EPS15L1: variants seen among roughly 807,000 people sequenced by gnomAD.
EPS15L1 encodes the protein epidermal growth factor receptor pathway substrate 15 like 1, also known as epidermal growth factor receptor substrate 15-like 1.
A neutral mutation model predicts 117.1 loss-of-function variants in EPS15L1; 43 were observed. The ratio of observed to expected loss-of-function variants is 0.37; its 90% CI spans 0.29 to 0.47. The LOEUF (loss-of-function observed/expected upper bound fraction) is 0.47, where lower values mean the gene tolerates loss of function less well. Among genes scored for constraint, EPS15L1 ranks in the 20% least tolerant of loss-of-function variants. EPS15L1 has a pLI of 0.99. For synonymous variants in EPS15L1, 459 were observed against 470.5 expected (o/e 0.98, Z 0.32); for missense variants, 981 against 1,164.0 (o/e 0.84, Z 2.29).
intron 1 of EPS15L1, among the ~76,000 whole-genome samples, chr19:16,452,899 C>A (rs951860131): frequency 2.6e-5 from 4 of 152,182 alleles, no homozygotes; most frequent in South Asian, 2.1e-4. Context: ...CCGGTTCATG[C>A]CATTCTCCTG....
At chr19:16,367,516 A>AAC (rs1555738017) in intron 22 of EPS15L1, among the ~76,000 whole-genome samples, 1 of 149,318 alleles carries the variant, frequency 6.7e-6, no homozygotes, top group East Asian at 1.9e-4. Context: ...AAAAAAAAAA[A>AAC]AAAAAAAAAA....
At chr19:16,467,483 G>A (rs1482755959) in intron 1 of EPS15L1, among the ~76,000 whole-genome samples, 1 of 151,998 alleles carries the variant, frequency 6.6e-6, no homozygotes, top group Non-Finnish European at 1.5e-5. Context: ...AATGGAGGTG[G>A]AGGGGTCTTG....
At chr19:16,361,500 A>G in intron 23 of EPS15L1, 1 of 948,884 alleles carries the variant, frequency 1.1e-6, no homozygotes, top group Non-Finnish European at 1.3e-6. Flanking sequence ...AAATAATACA[A>G]TGAATCTACC....
In EPS15L1 at chr19:16,417,579, A is replaced by T; in HGVS notation, c.1166T>A (p.Ile389Asn). 1 of 1,614,004 alleles carries T rather than the reference A, an allele frequency of 6.2e-7. No homozygotes were observed. The highest frequency in any genetic ancestry group is 8.5e-7 in the Non-Finnish European group (1 of 1,179,972). Residue 389 changes from isoleucine to asparagine, a missense_variant, in exon 12 of 24, where the codon ATC (isoleucine) becomes AAC (asparagine). Physicochemically the swap from Ile to Asn is moderately radical, Grantham distance 149. Transcript: ENST00000455140. ...TTGTAACTGGGCAATCTCTTGACTG[A>T]TGTCATCAAGCTCCTTCACGCCAGT... ...EFTGVKELDD[I>N]SQEIAQLQRE...
rs1358862123 is a variant in EPS15L1, at chr19:16,424,859, C to T, written c.792+224G>A. Among the ~76,000 whole-genome samples the T allele has an allele frequency of 2.0e-5, 3 of 152,018 alleles. No individual in the cohort carries two copies. In the East Asian group the frequency reaches 5.8e-4, roughly 30 times the overall value. On this transcript the variant is annotated intron_variant, in intron 9 of 23. Coordinates refer to ENST00000455140, the MANE Select transcript of EPS15L1 (RefSeq NM_001258374.3). Reference sequence around the variant, plus strand: ...TGTATTTTTAGTAGAGACGGGGTTTCACCATGTTGGCCAGGATGGTCTTGA... The same window carrying T: ...TGTATTTTTAGTAGAGACGGGGTTTTACCATGTTGGCCAGGATGGTCTTGA...
At chr19:16,430,502 C>T (rs188539822) in intron 7 of EPS15L1, among the ~76,000 whole-genome samples, 1 of 152,226 alleles carries the variant, frequency 6.6e-6, no homozygotes, top group Non-Finnish European at 1.5e-5. Flanking sequence ...CAGTCCTTAA[C>T]AGGAGGGCTG....
chr19:16,397,274 G>A (rs2092550252), intron 16 of EPS15L1, among the ~76,000 whole-genome samples: 1 of 152,094 alleles, frequency 6.6e-6, no homozygotes, highest in African/African-American at 2.4e-5. Flanking sequence ...ATTTTTAGTA[G>A]AGATGGGGTT....
At chr19:16,367,760 A>G (rs999403638) in intron 22 of EPS15L1, among the ~76,000 whole-genome samples, 2 of 150,890 alleles carry the variant, frequency 1.3e-5, no homozygotes, top group African/African-American at 2.4e-5. Context: ...AAGCAAAAAA[A>G]AAAAAAAAAA....
chr19:16,394,655 A>G (rs189128805), intron 17 of EPS15L1, among the ~76,000 whole-genome samples: 39 of 152,314 alleles, frequency 2.6e-4, no homozygotes, highest in South Asian at 2.1e-4. Context: ...ACAGACTCCT[A>G]AAATTATCCA....
intron 16 of EPS15L1, among the ~76,000 whole-genome samples, chr19:16,397,494 C>A (rs191206985): frequency 4.6e-5 from 7 of 151,950 alleles, no homozygotes; most frequent in African/African-American, 4.8e-5. Context: ...AAGAGCCACT[C>A]AACAACAGCA....
At chr19:16,373,362 G>C (rs766368537) in intron 22 of EPS15L1, among the ~76,000 whole-genome samples, 2 of 152,104 alleles carry the variant, frequency 1.3e-5, no homozygotes, top group Non-Finnish European at 2.9e-5. Context: ...TGGCCGTGTG[G>C]TCTCCCTGAG....
intron 7 of EPS15L1, among the ~76,000 whole-genome samples, chr19:16,432,612 A>G (rs1357103076): frequency 7.3e-6 from 1 of 137,720 alleles, no homozygotes; most frequent in African/African-American, 2.7e-5. Context: ...ATACAAATAC[A>G]AATACAAAAA....
At position 16,403,808 on chromosome 19, in the gene EPS15L1, C is replaced by G; in HGVS notation, c.1551G>C (p.Gln517His). 6.2e-7 allele frequency: 1 copy of G among 1,614,114 alleles called. No homozygotes were observed. The highest frequency in any genetic ancestry group is 2.2e-5 in the East Asian group (1 of 44,882). Reference sequence around the variant, plus strand: ...GCTGGACTCGCCCAGCCTGAATGCTCTGCTCCAGCTGGGTTTCCTCCTGCT... The same window carrying G: ...GCTGGACTCGCCCAGCCTGAATGCTGTGCTCCAGCTGGGTTTCCTCCTGCT... ...RLQQEETQLE[Q>H]SIQAGRVQLE... is the part of the protein sequence containing the mutation. The change falls in exon 15 of 24, where the codon CAG (glutamine) becomes CAC (histidine). Residue 517 changes from glutamine to histidine, a missense_variant. Physicochemically the swap from Gln to His is conservative, Grantham distance 24 (BLOSUM62 0). Coordinates refer to ENST00000455140, the MANE Select transcript of EPS15L1 (RefSeq NM_001258374.3).
intron 16 of EPS15L1, chr19:16,400,999 G>T: frequency 1.0e-6 from 1 of 985,466 alleles, no homozygotes; most frequent in Non-Finnish European, 1.2e-6. Flanking sequence ...GAGCCGGGTT[G>T]TGAGACGGAA....
At chr19:16,417,863 G>T in intron 11 of EPS15L1, 85 bp downstream of exon 11, 1 of 1,521,384 alleles carries the variant, frequency 6.6e-7, no homozygotes, top group Non-Finnish European at 8.9e-7. Context: ...CGCCACCGTG[G>T]GCTCATGTGT....
intron 23 of EPS15L1, 101 bp downstream of exon 23, chr19:16,361,678 T>C: frequency 1.4e-6 from 2 of 1,469,306 alleles, no homozygotes; most frequent in Non-Finnish European, 1.8e-6. Context: ...ACCAAGAGGC[T>C]AAAGAAGCTG....
rs369934694 is a variant in EPS15L1, at chr19:16,468,289, T to G, written c.33+3624A>C. On this transcript the variant is annotated intron_variant, in intron 1 of 23. Coordinates refer to ENST00000455140, the MANE Select transcript of EPS15L1 (RefSeq NM_001258374.3). ...AGAAAGTGTTGCCAAGAGCCAGAAGTGCAGGAAAGGGACCCAGCAAGGTTA... is the reference window on the plus strand; with the variant it reads ...AGAAAGTGTTGCCAAGAGCCAGAAGGGCAGGAAAGGGACCCAGCAAGGTTA... Among the ~76,000 whole-genome samples, 21 of 152,000 alleles carry G rather than the reference T, an allele frequency of 1.4e-4. No homozygotes were observed. In the East Asian group the frequency reaches 1.9e-3, roughly 14 times the overall value.
chr19:16,405,441 G>A lies in EPS15L1; in HGVS notation c.1267-692C>T, dbSNP rs1239623932. ...TTTCTGAAGCTCTCTCTGACCCCGT[G>A]GGATGGATCCAGATGGTCAGCCCGA... On this transcript the variant is annotated intron_variant, in intron 13 of 23. Transcript: ENST00000455140. The surrounding 1 kb of genome is among the most constrained non-coding windows in gnomAD (Gnocchi z 4.0). Among the ~76,000 whole-genome samples, 3 of 152,228 alleles carry A rather than the reference G, an allele frequency of 2.0e-5. No homozygotes were observed. Among genetic ancestry groups the A allele is most frequent in the South Asian group, 2.1e-4 (1 of 4,832 alleles).
chr19:16,428,536 G>GAAGAAAGA (rs71178694), intron 8 of EPS15L1, among the ~76,000 whole-genome samples, 166 bp downstream of exon 8: 8 of 137,870 alleles, frequency 5.8e-5, no homozygotes, highest in African/African-American at 1.4e-4. Flanking sequence ...AGAAAGAAAG[G>GAAGAAAGA]AAGAAAGACA....
Sources: allele counts gnomAD v4.1 joint callset (sites outside exome capture counted in the v4.1 genomes callset), GRCh38; gene constraint gnomAD v4.1.1; non-coding constraint Gnocchi (gnomAD v3.1); transcripts MANE v1.5; gene names NCBI Gene and HGNC (gene_info 2026-07-23, HGNC 2026-07-21).